The following PRKAR2B variants were observed in gnomAD, a reference collection of about 807,000 sequenced individuals.
PRKAR2B encodes the protein protein kinase cAMP-dependent type II regulatory subunit beta, also known as cAMP-dependent protein kinase type II-beta regulatory subunit.
Under a neutral mutation model 49.9 loss-of-function variants are expected in PRKAR2B, and 14 were observed. That is an observed-to-expected ratio of 0.28 (90% CI 0.19 to 0.44). The LOEUF is 0.44. Among genes scored for constraint, PRKAR2B ranks in the 20% least tolerant of loss-of-function variants. The pLI, the probability that PRKAR2B is intolerant of heterozygous loss-of-function variation, is 1.00. For synonymous variants in PRKAR2B, 196 were observed against 197.7 expected, an observed-to-expected ratio of 0.99 and a Z score of 0.07; for missense variants, 393 against 537.9, an observed-to-expected ratio of 0.73 and a Z score of 2.67.
At chr7:107,052,056 C>A (rs1326725569) in intron 1 of PRKAR2B, among the ~76,000 whole-genome samples, 1 of 152,124 alleles carries the variant, frequency 6.6e-6, no homozygotes. Flanking sequence ...TTTCAAAGGT[C>A]ATGTTGAATT....
At chr7:107,136,051 T>G (rs572483504) in intron 4 of PRKAR2B, among the ~76,000 whole-genome samples, 1 of 152,298 alleles carries the variant, frequency 6.6e-6, no homozygotes, top group Non-Finnish European at 1.5e-5. Flanking sequence ...TAACTGATCT[T>G]TGACAGAAGA....
intron 3 of PRKAR2B, among the ~76,000 whole-genome samples, chr7:107,127,225 G>T (rs1272420087): frequency 1.3e-5 from 2 of 152,232 alleles, no homozygotes; most frequent in African/African-American, 2.4e-5. Flanking sequence ...GCCTGAAGAG[G>T]CAAGGTACCT....
intron 10 of PRKAR2B, 23 bp from the exon 11 acceptor site, chr7:107,159,423 TAAA>T (rs752370386): frequency 7.5e-5 from 120 of 1,604,842 alleles, no homozygotes; most frequent in Non-Finnish European, 8.9e-5. Flanking sequence ...GAATGTTATT[TAAA>T]AAAAAATCTT....
intron 2 of PRKAR2B, among the ~76,000 whole-genome samples, chr7:107,095,853 C>A (rs538447084): frequency 2.7e-4 from 41 of 152,288 alleles, no homozygotes; most frequent in Admixed American, 2.4e-3. Context: ...GGGATGAAGC[C>A]CACTTGATCA....
chr7:107,066,637 C>T (rs1167204517), intron 1 of PRKAR2B: 5 of 152,072 alleles, frequency 3.3e-5, no homozygotes, highest in South Asian at 2.1e-4. Context: ...GGCAGGATCT[C>T]CACTCACTGC....
At chr7:107,141,412 G>T (rs971684626) in intron 5 of PRKAR2B, among the ~76,000 whole-genome samples, 1 of 152,122 alleles carries the variant, frequency 6.6e-6, no homozygotes, top group Admixed American at 6.6e-5. Context: ...CAAAATTGGC[G>T]GAGTGTGGCG....
At chr7:107,098,028 C>G (rs1030881831) in intron 2 of PRKAR2B, among the ~76,000 whole-genome samples, 2 of 152,174 alleles carry the variant, frequency 1.3e-5, no homozygotes, top group African/African-American at 2.4e-5. Context: ...GTGGCATTCT[C>G]TGTATTTCCT....
At chr7:107,085,994 G>A (rs1794612422) in intron 2 of PRKAR2B, among the ~76,000 whole-genome samples, 1 of 152,158 alleles carries the variant, frequency 6.6e-6, no homozygotes, top group Admixed American at 6.6e-5. Flanking sequence ...AAAACAGTAT[G>A]CTGATTCATA....
Position 107,044,844 on chromosome 7 carries a change from G to A in PRKAR2B, c.-64G>A. ...TAGGCGCTCGCTCGGCAGCCGCGGG[G>A]CCCTAGGCCGTGCCGGGGAGGGGGC... On this transcript the variant is annotated 5_prime_UTR_variant, in exon 1 of 11. Coordinates refer to ENST00000265717, the MANE Select transcript of PRKAR2B (RefSeq NM_002736.3). 3 of 1,449,400 alleles carry A rather than the reference G, an allele frequency of 2.1e-6. No homozygotes were observed. The African/African-American group carries it at 4.3e-5, about 21-fold the overall frequency. The allele number at this position is 1,449,400 out of a possible 1,614,324, so 89.8% of individuals were successfully genotyped here. A position where few individuals can be genotyped will look rare whatever the true frequency, so the allele number is the denominator to read the frequency against.
At chr7:107,119,031 A>G (rs1795341301) in intron 2 of PRKAR2B, among the ~76,000 whole-genome samples, 1 of 152,214 alleles carries the variant, frequency 6.6e-6, no homozygotes, top group South Asian at 2.1e-4. Flanking sequence ...GGGTATCACA[A>G]ATCAACAGGG....
At chr7:107,118,114 T>C (rs1795314054) in intron 2 of PRKAR2B, among the ~76,000 whole-genome samples, 1 of 152,200 alleles carries the variant, frequency 6.6e-6, no homozygotes, top group Non-Finnish European at 1.5e-5. Flanking sequence ...GTACAGGTTA[T>C]CTGGAGGCTT....
intron 4 of PRKAR2B, among the ~76,000 whole-genome samples, chr7:107,134,986 C>A (rs1327496212): frequency 6.6e-6 from 1 of 151,722 alleles, no homozygotes; most frequent in Non-Finnish European, 1.5e-5. Context: ...TAGGACTTCA[C>A]ACAGATGTAA....
chr7:107,107,770 G>A (rs764742080), intron 2 of PRKAR2B, among the ~76,000 whole-genome samples: 39 of 151,920 alleles, frequency 2.6e-4, no homozygotes, highest in Non-Finnish European at 4.1e-4. Context: ...CAATTCTCCG[G>A]CCTCAGCCTC....
At chr7:107,049,301 G>A (rs80153971) in intron 1 of PRKAR2B, among the ~76,000 whole-genome samples, 9 of 152,228 alleles carry the variant, frequency 5.9e-5, no homozygotes, top group East Asian at 1.9e-4. Context: ...AATAACTACC[G>A]TGATAGAAAA....
chr7:107,138,621 C>G (rs1795741342), intron 4 of PRKAR2B, among the ~76,000 whole-genome samples: 2 of 151,714 alleles, frequency 1.3e-5, no homozygotes, highest in Admixed American at 1.3e-4. Flanking sequence ...GATCATGGCT[C>G]ACTGCAGCCT....
intron 1 of PRKAR2B, among the ~76,000 whole-genome samples, chr7:107,055,532 G>C (rs1319202687): frequency 4.6e-5 from 7 of 152,146 alleles, no homozygotes. Context: ...GTATCTCATT[G>C]TGGTTTTGAT....
intron 2 of PRKAR2B, among the ~76,000 whole-genome samples, chr7:107,111,003 A>G (rs1795161216): frequency 6.6e-6 from 1 of 151,924 alleles, no homozygotes; most frequent in Non-Finnish European, 1.5e-5. Context: ...CTCATTGATG[A>G]CTTTTCTGGA....
At chr7:107,120,521 C>T (rs1795368411) in intron 2 of PRKAR2B, among the ~76,000 whole-genome samples, 1 of 152,114 alleles carries the variant, frequency 6.6e-6, no homozygotes, top group Admixed American at 6.6e-5. Flanking sequence ...CATTCGTCAG[C>T]CTTTCATTTA....
chr7:107,140,097 G>A (rs1313089151), intron 4 of PRKAR2B, among the ~76,000 whole-genome samples: 2 of 152,004 alleles, frequency 1.3e-5, no homozygotes, highest in South Asian at 2.1e-4. Context: ...TCCTGTATTT[G>A]TTCTGATTAA....
Sources: gnomAD v4.1 joint callset for allele counts (sites outside exome capture counted in the v4.1 genomes callset) on GRCh38, gnomAD v4.1.1 for gene constraint, MANE v1.5 for transcripts, NCBI Gene and HGNC (gene_info 2026-07-23, HGNC 2026-07-21) for gene names.